Variants in AGBL4 observed in about 807,000 individuals in gnomAD.
The protein encoded by AGBL4 is AGBL carboxypeptidase 4.
Under a neutral mutation model 66.4 loss-of-function variants are expected in AGBL4, and 58 were observed. The ratio of observed to expected loss-of-function variants is 0.87; its 90% CI spans 0.71 to 1.09. The LOEUF is 1.09. AGBL4 is among the 50% of genes least tolerant of loss of function. AGBL4 has a pLI of 0.00. For synonymous variants in AGBL4, 234 were observed against 222.9 expected (o/e 1.05, Z -0.44); for missense variants, 579 against 631.0 (o/e 0.92, Z 0.88).
At chr1:49,742,151 C>T (rs1469232950) in intron 2 of AGBL4, among the ~76,000 whole-genome samples, 1 of 151,812 alleles carries the variant, frequency 6.6e-6, no homozygotes, top group Non-Finnish European at 1.5e-5. Flanking sequence ...TCTAGAAAAC[C>T]CCATTGTCTC....
intron 3 of AGBL4, among the ~76,000 whole-genome samples, chr1:49,653,513 C>T (rs1348988380): frequency 6.6e-6 from 1 of 151,858 alleles, no homozygotes; most frequent in African/African-American, 2.4e-5. Flanking sequence ...TGGGTAATAA[C>T]AAACTTTACT....
At chr1:48,529,318 T>C (rs1453464921), downstream of AGBL4, among the ~76,000 whole-genome samples, 1 of 151,934 alleles carries the variant, frequency 6.6e-6, no homozygotes, top group Non-Finnish European at 1.5e-5. Flanking sequence ...AGCAAGCAGA[T>C]GAGAGGCAGA....
At chr1:49,883,952 C>A (rs181084576) in intron 1 of AGBL4, among the ~76,000 whole-genome samples, 132 of 152,046 alleles carry the variant, frequency 8.7e-4, no homozygotes, top group African/African-American at 3.1e-3. Flanking sequence ...CAATTACATT[C>A]TACATGCACA....
At chr1:49,607,247 T>G (rs2124206452) in intron 3 of AGBL4, among the ~76,000 whole-genome samples, 1 of 152,210 alleles carries the variant, frequency 6.6e-6, no homozygotes, top group South Asian at 2.1e-4. Context: ...ATCTGACACC[T>G]AGGATCCAGC....
intron 3 of AGBL4, among the ~76,000 whole-genome samples, chr1:49,447,294 C>T (rs2148676986): frequency 6.6e-6 from 1 of 152,244 alleles, no homozygotes; most frequent in South Asian, 2.1e-4. Context: ...TTCCTTTGTT[C>T]TGGAAGATAC....
intron 11 of AGBL4, among the ~76,000 whole-genome samples, chr1:48,559,580 G>A (rs1035740347): frequency 2.0e-5 from 3 of 152,146 alleles, no homozygotes; most frequent in African/African-American, 7.2e-5. Flanking sequence ...TTAAATAAGA[G>A]TACTGTATGT....
At chr1:49,773,179 T>C (rs1192677971) in intron 2 of AGBL4, among the ~76,000 whole-genome samples, 1 of 152,222 alleles carries the variant, frequency 6.6e-6, no homozygotes, top group African/African-American at 2.4e-5. Context: ...CATATTTGTT[T>C]GGCTCTTTTT....
At chr1:49,517,588 A>G (rs1020565624) in intron 3 of AGBL4, among the ~76,000 whole-genome samples, 1 of 151,964 alleles carries the variant, frequency 6.6e-6, no homozygotes, top group Non-Finnish European at 1.5e-5. Context: ...CTATGCTAGG[A>G]GCGTTCAGAA....
intron 3 of AGBL4, among the ~76,000 whole-genome samples, chr1:49,337,015 T>G (rs1645451138): frequency 6.6e-6 from 1 of 152,162 alleles, no homozygotes; most frequent in East Asian, 1.9e-4. Context: ...AAACCAGGAT[T>G]AATATCTATC....
At chr1:49,412,640 T>C (rs781319571) in intron 3 of AGBL4, among the ~76,000 whole-genome samples, 3 of 152,188 alleles carry the variant, frequency 2.0e-5, no homozygotes, top group Non-Finnish European at 4.4e-5. Context: ...GTTCTTCCTG[T>C]ACTCTCCACT....
At chr1:49,179,881 T>C (rs1268428865) in intron 4 of AGBL4, among the ~76,000 whole-genome samples, 1 of 152,084 alleles carries the variant, frequency 6.6e-6, no homozygotes, top group African/African-American at 2.4e-5. Context: ...GGACAGTTAC[T>C]TAACATCTTT....
intron 3 of AGBL4, among the ~76,000 whole-genome samples, chr1:49,320,462 T>G (rs1203084785): frequency 6.6e-6 from 1 of 152,008 alleles, no homozygotes; most frequent in East Asian, 1.9e-4. Context: ...GAAAATGACT[T>G]TTACATCTAA....
intron 4 of AGBL4, among the ~76,000 whole-genome samples, chr1:49,127,120 G>T (rs1331617196): frequency 6.6e-6 from 1 of 152,132 alleles, no homozygotes; most frequent in Non-Finnish European, 1.5e-5. Context: ...ATAGGTAGTA[G>T]GTAGACTCTA....
Position 48,977,616 on chromosome 1 carries a change from T to C in AGBL4, c.594+67968A>G, listed in dbSNP as rs370489929. ...TGCTTGATTAGGAGGTTTTATTTCC[T>C]AAGGGAACACAATAATGGCTCCATT... is the stretch of plus-strand genomic sequence containing the variant. On this transcript the variant is annotated intron_variant, in intron 5 of 13. Transcript: ENST00000371839. Among the ~76,000 whole-genome samples, 43 of 152,248 alleles carry C rather than the reference T, an allele frequency of 2.8e-4. No homozygotes were observed. The East Asian group carries it at 2.9e-3, about 10-fold the overall frequency.
rs117718313 is a variant in AGBL4, at chr1:49,491,577, G to A, written c.282+205736C>T. Among the ~76,000 whole-genome samples the A allele has an allele frequency of 5.9e-4, 90 of 151,924 alleles. 2 individuals are homozygous for A. The East Asian group carries it at 0.014, about 23-fold the overall frequency. ...TTACCATGATTCAAAAATTACTCAG[G>A]AGACTGTGGGTATATGCAAAGAACT... is the stretch of plus-strand genomic sequence containing the variant. On this transcript the variant is annotated intron_variant, in intron 3 of 13. Coordinates refer to ENST00000371839, the MANE Select transcript of AGBL4 (RefSeq NM_032785.4).
intron 1 of AGBL4, chr1:50,017,081 T>C (rs1458327117): frequency 6.6e-6 from 1 of 152,074 alleles, no homozygotes; most frequent in Non-Finnish European, 1.5e-5. Context: ...GTGATATATA[T>C]ATATATACAT....
At chr1:48,878,565 T>C (rs1649444384) in intron 5 of AGBL4, among the ~76,000 whole-genome samples, 2 of 152,184 alleles carry the variant, frequency 1.3e-5, no homozygotes, top group African/African-American at 2.4e-5. Context: ...TCTTTATATA[T>C]GACTCAGCAC....
intron 6 of AGBL4, among the ~76,000 whole-genome samples, chr1:48,838,854 T>A (rs1267072700): frequency 6.6e-6 from 1 of 151,910 alleles, no homozygotes; most frequent in Non-Finnish European, 1.5e-5. Context: ...ACAATCTGAT[T>A]TAAAAATGGG....
At chr1:49,581,357 T>G (rs1644537999) in intron 3 of AGBL4, among the ~76,000 whole-genome samples, 1 of 152,178 alleles carries the variant, frequency 6.6e-6, no homozygotes. Context: ...TTATTTTTGG[T>G]TAGAATCTGT....
Sources: gnomAD v4.1 joint callset for allele counts (sites outside exome capture counted in the v4.1 genomes callset) on GRCh38, gnomAD v4.1.1 for gene constraint, MANE v1.5 for transcripts, NCBI Gene and HGNC (gene_info 2026-07-23, HGNC 2026-07-21) for gene names.